The following BMP8B variants were observed in gnomAD, a reference collection of about 807,000 sequenced individuals.
The protein encoded by BMP8B is bone morphogenetic protein 8b.
In BMP8B, 17 loss-of-function variants were observed where a neutral mutation model predicts 30.3. That is an observed-to-expected ratio of 0.56 (90% CI 0.38 to 0.84). The LOEUF is 0.84. Among genes scored for constraint, BMP8B ranks in the 40% least tolerant of loss-of-function variants. The probability of loss-of-function intolerance (pLI) is 0.00; values close to 1 mark genes in which losing one functional copy is unlikely to be tolerated. For missense variants in BMP8B, 253 were observed against 494.6 expected (o/e 0.51, Z 4.63); for synonymous variants, 131 against 214.7 (o/e 0.61, Z 3.41).
chr1:39,762,699 G>A (rs774134787), intron 6 of BMP8B: 257 of 1,475,054 alleles, frequency 1.7e-4, no homozygotes, highest in Non-Finnish European at 2.2e-4. Context: ...CACATATCAC[G>A]GGCGGTCAGA....
In BMP8B at chr1:39,788,376, C is replaced by T; in HGVS notation, c.110G>A (p.Gly37Asp). 1 of 1,123,258 alleles carries T rather than the reference C, an allele frequency of 8.9e-7. No individual in the cohort carries two copies. Among genetic ancestry groups the T allele is most frequent in the Non-Finnish European group, 1.1e-6 (1 of 921,460 alleles). The allele number at this position is 1,123,258 out of a possible 1,614,324, so 69.6% of individuals were successfully genotyped here. A position where few individuals can be genotyped will look rare whatever the true frequency, so the allele number is the denominator to read the frequency against. Reference sequence around the variant, plus strand: ...CTGCACGTCCCGGCGCTCGCGCGCGCCCAGACGTCGCTGGGGACAGCCGGG... The same window carrying T: ...CTGCACGTCCCGGCGCTCGCGCGCGTCCAGACGTCGCTGGGGACAGCCGGG... ...PPPGCPQRRL[G>D]ARERRDVQRE... The change falls in exon 1 of 7, where the codon GGC becomes GAC. Residue 37 changes from glycine (G) to aspartate (D), a missense_variant. Around this residue, in one of 7 missense-constraint regions of BMP8B, gnomAD observed 54 missense variants for 70.8 expected, o/e 0.76. Coordinates refer to ENST00000372827, the MANE Select transcript of BMP8B (RefSeq NM_001720.5). This position sits in a 1 kb window ranked among gnomAD's most constrained non-coding sequence, Gnocchi z 5.8.
At chr1:39,765,092 TAAC>T (rs1649520881) in intron 3 of BMP8B, 9 of 627,282 alleles carry the variant, frequency 1.4e-5, no homozygotes, top group Admixed American at 6.0e-5. Context: ...TCACAAATAA[TAAC>T]ATTTGTGAAG....
Position 39,768,220 on chromosome 1 carries a change from C to G in BMP8B, c.674-3403G>C, listed in dbSNP as rs530502635. Among the ~76,000 whole-genome samples the G allele has an allele frequency of 2.0e-5, 3 of 149,864 alleles. No individual in the cohort carries two copies. In the East Asian group the frequency reaches 6.1e-4, roughly 31 times the overall value. ...GGGCCTCCATCCCAGAGAGGAGGGC[C>G]TAAGTGTCTGGTGTGAATGATGCAG... On this transcript the variant is annotated intron_variant, in intron 3 of 6. Coordinates refer to ENST00000372827, the MANE Select transcript of BMP8B (RefSeq NM_001720.5).
chr1:39,770,297 A>G, intron 3 of BMP8B: 2 of 1,578,110 alleles, frequency 1.3e-6, no homozygotes, highest in South Asian at 1.1e-5. Context: ...GGGGATGCCT[A>G]TGCCCAGATT....
chr1:39,782,940 C>T (rs968876314), intron 1 of BMP8B, among the ~76,000 whole-genome samples: 9 of 151,880 alleles, frequency 5.9e-5, no homozygotes, highest in African/African-American at 1.9e-4. Flanking sequence ...ACTACAGTCC[C>T]GCGCCACCAT....
intron 1 of BMP8B, among the ~76,000 whole-genome samples, chr1:39,776,083 G>T (rs1330279766): frequency 2.0e-4 from 31 of 152,298 alleles, no homozygotes; most frequent in Non-Finnish European, 3.5e-4. Flanking sequence ...CCTCTGGCCA[G>T]TGGGAAGCAC....
At chr1:39,776,635 G>A (rs1310003598) in intron 1 of BMP8B, among the ~76,000 whole-genome samples, 1 of 152,200 alleles carries the variant, frequency 6.6e-6, no homozygotes, top group Non-Finnish European at 1.5e-5. Context: ...GCTCATCCCA[G>A]CCCAGGGCGG....
At chr1:39,776,846 C>G (rs533404428) in intron 1 of BMP8B, among the ~76,000 whole-genome samples, 15 of 152,254 alleles carry the variant, frequency 9.9e-5, no homozygotes, top group African/African-American at 2.9e-4. Flanking sequence ...GGCAATACAA[C>G]AATAAACAAG....
chr1:39,788,136 G>C lies in BMP8B; in HGVS notation c.334+16C>G. 1.3e-6 allele frequency: 2 copies of C among 1,547,918 alleles called. No homozygotes were observed. The highest frequency in any genetic ancestry group is 1.7e-6 in the Non-Finnish European group (2 of 1,160,782). ...CAGCTTACTCCGAGGGTCCCCGCGC[G>C]GGCGGCCGCACTCACCCATGTTAAC... On this transcript the variant is annotated intron_variant, in intron 1 of 6. Coordinates refer to ENST00000372827, the MANE Select transcript of BMP8B (RefSeq NM_001720.5). The surrounding 1 kb of genome is among the most constrained non-coding windows in gnomAD (Gnocchi z 5.8).
At chr1:39,760,617 C>T (rs1396424603) in intron 6 of BMP8B, 49 bp from the exon 7 acceptor site, 3 of 1,586,192 alleles carry the variant, frequency 1.9e-6, no homozygotes. Flanking sequence ...GTGGCCTCCT[C>T]CAAGGACCCA....
intron 6 of BMP8B, chr1:39,762,189 T>G (rs1649085288): frequency 1.1e-5 from 2 of 189,754 alleles, no homozygotes; most frequent in East Asian, 1.4e-4. Flanking sequence ...GTAATTTATT[T>G]CCTCTCACAC....
chr1:39,782,712 C>G (rs932330796), intron 1 of BMP8B, among the ~76,000 whole-genome samples: 1 of 151,922 alleles, frequency 6.6e-6, no homozygotes, highest in Non-Finnish European at 1.5e-5. Flanking sequence ...AGGTGATCCG[C>G]CCCCGCTTGG....
chr1:39,763,527 C>T (rs1313732617), intron 5 of BMP8B, among the ~76,000 whole-genome samples, 185 bp downstream of exon 5: 1 of 143,708 alleles, frequency 7.0e-6, no homozygotes, highest in Admixed American at 6.8e-5. Flanking sequence ...TTAAAAAAAA[C>T]AAAAAACTGA....
At chr1:39,770,433 A>C in intron 3 of BMP8B, 1 of 1,608,504 alleles carries the variant, frequency 6.2e-7, no homozygotes, top group Non-Finnish European at 8.5e-7. Context: ...CGTTTCTCGT[A>C]TTTCTGCCCC....
At position 39,788,057 on chromosome 1, in the gene BMP8B, CCCGTTCGG is replaced by C; in HGVS notation, c.334+87_334+94del. 7.2e-7 allele frequency: 1 copy of C among 1,381,274 alleles called. No homozygotes were observed. The allele number at this position is 1,381,274 out of a possible 1,614,324, so 85.6% of individuals were successfully genotyped here. ...GGTTCGCGTCCACCGTCTGTGACTC[CCCGTTCGG>C]CCAGGGCCCGGCACAGCCCGCGGAT... On this transcript the variant is annotated intron_variant, in intron 1 of 6. Transcript: ENST00000372827. This position sits in a 1 kb window ranked among gnomAD's most constrained non-coding sequence, Gnocchi z 5.8.
In BMP8B at chr1:39,788,600, C is replaced by T; in HGVS notation, c.-115G>A. On this transcript the variant is annotated 5_prime_UTR_variant, in exon 1 of 7. Coordinates refer to ENST00000372827, the MANE Select transcript of BMP8B (RefSeq NM_001720.5). This position sits in a 1 kb window ranked among gnomAD's most constrained non-coding sequence, Gnocchi z 5.8. ...GAGGCTGGGCTCGGCGGGCGGCGGG[C>T]GGCGGGGCGGGGCGGGACGGGCGGC... 4 of 842,226 alleles carry T rather than the reference C, an allele frequency of 4.7e-6. No homozygotes were observed. Among genetic ancestry groups the T allele is most frequent in the Non-Finnish European group, 5.7e-6 (4 of 700,652 alleles). The allele number at this position is 842,226 out of a possible 1,614,324, so 52.2% of individuals were successfully genotyped here.
In BMP8B at chr1:39,760,153, C is replaced by T. The variant is rs1648737215; in HGVS notation, c.*266G>A. 1.8e-6 allele frequency: 1 copy of T among 558,110 alleles called. No homozygotes were observed. The allele number at this position is 558,110 out of a possible 1,614,324, so 34.6% of individuals were successfully genotyped here. A position where few individuals can be genotyped will look rare whatever the true frequency, so the allele number is the denominator to read the frequency against. On this transcript the variant is annotated 3_prime_UTR_variant, in exon 7 of 7. Transcript: ENST00000372827. ...CCCCAAAGAACCAGCCAGGACATGC[C>T]TCCGGGAGAGGCGTTTGCATTTGGG... is the stretch of plus-strand genomic sequence containing the variant.
In BMP8B at chr1:39,779,421, C is replaced by T. The variant is rs551563247; in HGVS notation, c.335-4383G>A. ...CCATGGGGGGTGCCAGGAAGAGTCACACTTGGTCCCTATTCTCAGGTTGTT... is the reference window on the plus strand; with the variant it reads ...CCATGGGGGGTGCCAGGAAGAGTCATACTTGGTCCCTATTCTCAGGTTGTT... On this transcript the variant is annotated intron_variant, in intron 1 of 6. Coordinates refer to ENST00000372827, the MANE Select transcript of BMP8B (RefSeq NM_001720.5). Among the ~76,000 whole-genome samples, 3 of 152,336 alleles carry T rather than the reference C, an allele frequency of 2.0e-5. No homozygotes were observed. The East Asian group carries it at 5.8e-4, about 29-fold the overall frequency.
intron 1 of BMP8B, among the ~76,000 whole-genome samples, chr1:39,779,537 C>T (rs1298726158): frequency 1.3e-5 from 2 of 151,880 alleles, no homozygotes; most frequent in Admixed American, 1.3e-4. Context: ...GAGAAGTGCA[C>T]ACAATGCAGG....
Sources: gnomAD v4.1 joint callset for allele counts (sites outside exome capture counted in the v4.1 genomes callset) on GRCh38, gnomAD v4.1.1 for gene constraint, gnomAD v4.1.1 regional missense constraint, Gnocchi (gnomAD v3.1) non-coding constraint, MANE v1.5 for transcripts, NCBI Gene and HGNC (gene_info 2026-07-23, HGNC 2026-07-21) for gene names.